The following AIG1 variants were observed in gnomAD, a reference collection of about 807,000 sequenced individuals.
AIG1 encodes the protein androgen induced 1.
AIG1 carries 23 observed loss-of-function variants against 31.4 expected under a neutral mutation model. The observed-to-expected ratio is 0.73, with a 90% CI of 0.53 to 1.04. The LOEUF (loss-of-function observed/expected upper bound fraction) is 1.04. AIG1 is among the 50% of genes least tolerant of loss of function. AIG1 has a pLI of 0.00. For missense variants in AIG1, 274 were observed against 295.0 expected, an observed-to-expected ratio of 0.93 and a Z score of 0.52; for synonymous variants, 100 against 110.5, an observed-to-expected ratio of 0.90 and a Z score of 0.60.
At position 143,279,018 on chromosome 6, in the gene AIG1, A is replaced by G. The variant is rs1047031403; in HGVS notation, c.400-5092A>G. Among the ~76,000 whole-genome samples, 3 of 152,316 alleles carry G rather than the reference A, an allele frequency of 2.0e-5. No individual in the cohort carries two copies. The highest frequency in any genetic ancestry group is 7.2e-5 in the African/African-American group (3 of 41,576). ...AACTTTAAAAAAAAAATCAAGTAGC[A>G]TGAACGGGGCCACAGTATGGCTTTT... On this transcript the variant is annotated intron_variant, in intron 3 of 5. Transcript: ENST00000357847. The surrounding 1 kb of genome is among the most constrained non-coding windows in gnomAD (Gnocchi z 5.4).
intron 1 of AIG1, among the ~76,000 whole-genome samples, chr6:143,120,685 G>A (rs758698077): frequency 6.6e-6 from 1 of 152,162 alleles, no homozygotes; most frequent in African/African-American, 2.4e-5. Context: ...GGTTTGGGTG[G>A]GGACACACAG....
At position 143,284,337 on chromosome 6, in the gene AIG1, A is replaced by G. The variant is rs115894390; in HGVS notation, c.515+112A>G. 2,973 of 722,966 alleles carry G rather than the reference A, an allele frequency of 4.1e-3. 52 individuals are homozygous for G. The highest frequency in any genetic ancestry group is 0.041 in the African/African-American group (2,307 of 56,350). The allele number at this position is 722,966 out of a possible 1,614,324, so 44.8% of individuals were successfully genotyped here. A position where few individuals can be genotyped will look rare whatever the true frequency, so the allele number is the denominator to read the frequency against. On this transcript the variant is annotated intron_variant, in intron 4 of 5. Coordinates refer to ENST00000357847, the MANE Select transcript of AIG1 (RefSeq NM_016108.4). The surrounding 1 kb of genome is among the most constrained non-coding windows in gnomAD (Gnocchi z 4.4). ...CTAACAGATTCACGCTGTGTGCCGC[A>G]TTTGGTCCAAGACCTGGGCTTTGTC...
At chr6:143,234,709 C>T (rs1237358293) in intron 3 of AIG1, among the ~76,000 whole-genome samples, 1 of 152,076 alleles carries the variant, frequency 6.6e-6, no homozygotes, top group East Asian at 1.9e-4. Context: ...GGATTCCTCA[C>T]ACAGATGCTG....
rs577920766 is a variant in AIG1 at position 143,321,538 on chromosome 6, C to T, written c.516-11744C>T. ...TCTTGAACCTGGGAGGCAAAGGTTGCAGTGAGCCGAGGTCACTTGTCCAGC... is the reference window on the plus strand; with the variant it reads ...TCTTGAACCTGGGAGGCAAAGGTTGTAGTGAGCCGAGGTCACTTGTCCAGC... On this transcript the variant is annotated intron_variant, in intron 4 of 5. Coordinates refer to ENST00000357847, the MANE Select transcript of AIG1 (RefSeq NM_016108.4). Among the ~76,000 whole-genome samples the T allele has an allele frequency of 3.0e-3, 451 of 151,936 alleles. 2 individuals are homozygous for T. The highest frequency in any genetic ancestry group is 5.0e-3 in the Non-Finnish European group (339 of 67,946).
At chr6:143,132,467 T>C (rs908014121) in intron 1 of AIG1, among the ~76,000 whole-genome samples, 1 of 150,498 alleles carries the variant, frequency 6.6e-6, no homozygotes, top group Admixed American at 6.6e-5. Context: ...TTCTGTATGG[T>C]GATATGTTTT....
rs1006946402 is a variant in AIG1, at chr6:143,297,742, A to G, written c.515+13517A>G. On this transcript the variant is annotated intron_variant, in intron 4 of 5. Coordinates refer to ENST00000357847, the MANE Select transcript of AIG1 (RefSeq NM_016108.4). This position sits in a 1 kb window ranked among gnomAD's most constrained non-coding sequence, Gnocchi z 5.1. The stretch of plus-strand genomic sequence containing the variant: ...ATACACTGCCTCTCCTCCAATTTTC[A>G]TGTCTCAGCCAGATAGTTTTTTTAA... Among the ~76,000 whole-genome samples the G allele has an allele frequency of 3.3e-5, 5 of 152,078 alleles. No homozygotes were observed. The highest frequency in any genetic ancestry group is 9.7e-5 in the African/African-American group (4 of 41,406).
intron 3 of AIG1, among the ~76,000 whole-genome samples, chr6:143,225,937 A>G (rs1792913341): frequency 6.6e-6 from 1 of 152,224 alleles, no homozygotes. Flanking sequence ...TAACACATAT[A>G]CTTTTTTTAA....
chr6:143,081,818 TCTG>T (rs1249439178), intron 1 of AIG1, among the ~76,000 whole-genome samples: 1 of 152,198 alleles, frequency 6.6e-6, no homozygotes, highest in Non-Finnish European at 1.5e-5. Context: ...TTCCATTTCT[TCTG>T]CTGAGTACTG....
At chr6:143,234,917 T>C (rs1793698397) in intron 3 of AIG1, among the ~76,000 whole-genome samples, 1 of 152,116 alleles carries the variant, frequency 6.6e-6, no homozygotes, top group South Asian at 2.1e-4. Context: ...TGAACTCCAA[T>C]CAGATTGTCT....
chr6:143,084,974 A>G (rs896910406), intron 1 of AIG1, among the ~76,000 whole-genome samples: 2 of 152,140 alleles, frequency 1.3e-5, no homozygotes, highest in African/African-American at 2.4e-5. Context: ...GAGATCGCCA[A>G]ACTCTCGGGC....
chr6:143,185,419 C>T (rs1789168044), intron 3 of AIG1, among the ~76,000 whole-genome samples: 1 of 152,142 alleles, frequency 6.6e-6, no homozygotes, highest in Non-Finnish European at 1.5e-5. Context: ...ACTCCAGCCA[C>T]ACTGTACAGC....
At chr6:143,281,442 C>G (rs1797336141) in intron 3 of AIG1, among the ~76,000 whole-genome samples, 1 of 152,170 alleles carries the variant, frequency 6.6e-6, no homozygotes, top group South Asian at 2.1e-4. Context: ...TTAAATATTT[C>G]CCTCCTGGTT....
chr6:143,285,165 T>G (rs1329653302), intron 4 of AIG1, among the ~76,000 whole-genome samples: 2 of 151,464 alleles, frequency 1.3e-5, no homozygotes, highest in African/African-American at 4.9e-5. Flanking sequence ...CCAGCTGGAG[T>G]TGAAAAATAA....
rs948346585 is a variant in AIG1 at position 143,187,948 on chromosome 6, C to G, written c.399+22765C>G. ...ACCTCCATAAGGAATGATACTTGCT[C>G]TTGATTTTATTAGTTGCATTTTGTA... On this transcript the variant is annotated intron_variant, in intron 3 of 5. Transcript: ENST00000357847. 1.2e-5 allele frequency: 15 copies of G among 1,244,174 alleles called. No homozygotes were observed. The African/African-American group carries it at 2.3e-4, about 19-fold the overall frequency. 77.1% of individuals were successfully genotyped at this position (1,244,174 alleles called of 1,614,324 possible).
At chr6:143,168,060 G>T (rs1451982681) in intron 3 of AIG1, among the ~76,000 whole-genome samples, 1 of 151,976 alleles carries the variant, frequency 6.6e-6, no homozygotes, top group Non-Finnish European at 1.5e-5. Context: ...TTAAATGCTG[G>T]AATTATGAAT....
intron 2 of AIG1, among the ~76,000 whole-genome samples, chr6:143,148,236 C>A (rs1583324148): frequency 6.6e-6 from 1 of 151,046 alleles, no homozygotes; most frequent in East Asian, 2.0e-4. Flanking sequence ...CATGGCGGCT[C>A]ACACCTGTAA....
chr6:143,220,842 T>C (rs1056582319), intron 3 of AIG1, among the ~76,000 whole-genome samples: 6 of 152,202 alleles, frequency 3.9e-5, no homozygotes, highest in African/African-American at 1.4e-4. Flanking sequence ...TTCTTTCTTA[T>C]CTTGAGCTAA....
intron 3 of AIG1, among the ~76,000 whole-genome samples, chr6:143,233,863 C>T (rs1793625661): frequency 6.6e-6 from 1 of 152,194 alleles, no homozygotes; most frequent in Admixed American, 6.5e-5. Context: ...CTTAATTTAA[C>T]AGTATGAATG....
At chr6:143,153,726 G>A (rs1035601193) in intron 2 of AIG1, among the ~76,000 whole-genome samples, 1 of 152,080 alleles carries the variant, frequency 6.6e-6, no homozygotes, top group African/African-American at 2.4e-5. Context: ...GTTCAATCCA[G>A]AGGACCAGCT....
Sources: gnomAD v4.1 joint callset for allele counts (sites outside exome capture counted in the v4.1 genomes callset) on GRCh38, gnomAD v4.1.1 for gene constraint, Gnocchi (gnomAD v3.1) non-coding constraint, MANE v1.5 for transcripts, NCBI Gene and HGNC (gene_info 2026-07-23, HGNC 2026-07-21) for gene names.